The following ITGB1 variants were observed in gnomAD, a reference collection of about 807,000 sequenced individuals.
ITGB1 encodes the protein integrin beta-1.
In ITGB1, 24 loss-of-function variants were observed where a neutral mutation model predicts 86.5. The ratio of observed to expected loss-of-function variants is 0.28; its 90% CI spans 0.20 to 0.39. ITGB1 has a LOEUF of 0.39. Ranked by LOEUF, ITGB1 falls within the 10% of genes least tolerant of loss-of-function variation. The pLI is 1.00. For synonymous variants in ITGB1, 323 were observed against 316.8 expected, an observed-to-expected ratio of 1.02 and a Z score of -0.21; for missense variants, 556 against 946.9, an observed-to-expected ratio of 0.59 and a Z score of 5.42.
intron 15 of ITGB1, chr10:32,906,564 T>A (rs1271741736): frequency 1.1e-5 from 2 of 179,674 alleles, no homozygotes; most frequent in African/African-American, 2.4e-5. Context: ...CACTCCAGGC[T>A]GGGCGACAGA....
At chr10:32,956,406 A>AC (rs1342113923) in intron 1 of ITGB1, among the ~76,000 whole-genome samples, 6 of 149,202 alleles carry the variant, frequency 4.0e-5, no homozygotes, top group Middle Eastern at 3.5e-3. Context: ...ATTAAAAAAA[A>AC]AAAAATAAAA....
intron 11 of ITGB1, among the ~76,000 whole-genome samples, chr10:32,914,590 G>T (rs1203774324): frequency 2.0e-5 from 3 of 151,980 alleles, no homozygotes; most frequent in Non-Finnish European, 4.4e-5. Flanking sequence ...AATGGTAAAG[G>T]GATCAATTCA....
chr10:32,904,591 A>G (rs1428826031), intron 15 of ITGB1, among the ~76,000 whole-genome samples: 1 of 152,210 alleles, frequency 6.6e-6, no homozygotes, highest in Non-Finnish European at 1.5e-5. Flanking sequence ...GCGCCTGCCC[A>G]TTATTTCAAA....
chr10:32,946,251 T>C (rs558237620), intron 1 of ITGB1, among the ~76,000 whole-genome samples: 1 of 152,316 alleles, frequency 6.6e-6, no homozygotes, highest in African/African-American at 2.4e-5. Flanking sequence ...CATTAGTAAA[T>C]AGATCAGGCA....
intron 1 of ITGB1, 74 bp from the exon 2 acceptor site, chr10:32,935,632 C>A: frequency 1.0e-6 from 1 of 1,002,396 alleles, no homozygotes; most frequent in South Asian, 1.4e-5. Context: ...AAAGTATTAC[C>A]CCACCGTACC....
chr10:32,936,571 T>C (rs576347145), intron 1 of ITGB1, among the ~76,000 whole-genome samples: 14 of 152,114 alleles, frequency 9.2e-5, no homozygotes, highest in Non-Finnish European at 1.6e-4. Flanking sequence ...GAAAAAGTCT[T>C]GTCTTCTAGA....
intron 2 of ITGB1, among the ~76,000 whole-genome samples, chr10:32,933,937 A>C (rs1351091935): frequency 6.6e-6 from 1 of 152,198 alleles, no homozygotes; most frequent in Non-Finnish European, 1.5e-5. Flanking sequence ...TTCCAAATGT[A>C]TGTGTGCACA....
Position 32,929,212 on chromosome 10 carries a change from A to AAAAAAG in ITGB1, c.376+609_376+610insCTTTTT, listed in dbSNP as rs71299730. Among the ~76,000 whole-genome samples, 6 of 151,680 alleles carry AAAAAAG rather than the reference A, an allele frequency of 4.0e-5. No individual in the cohort carries two copies. In the South Asian group the frequency reaches 6.3e-4, roughly 16 times the overall value. On this transcript the variant is annotated intron_variant, in intron 4 of 15. Coordinates refer to ENST00000302278, the MANE Select transcript of ITGB1 (RefSeq NM_002211.4). ...ACTTGGTACAGAAGAGTTAAAAAAA[A>AAAAAAG]TCCTGACAAGGGTCCCCTGGGTCTG...
chr10:32,921,149 C>T (rs4382845), intron 9 of ITGB1, among the ~76,000 whole-genome samples: 12,651 of 134,370 alleles, frequency 0.094, 783 homozygotes, highest in Admixed American at 0.22. Context: ...CTTAAGGAAC[C>T]ATTGTAGCCC....
chr10:32,933,949 T>A (rs1373674678), intron 2 of ITGB1, among the ~76,000 whole-genome samples: 2 of 152,170 alleles, frequency 1.3e-5, no homozygotes, highest in African/African-American at 4.8e-5. Flanking sequence ...GTGTGCACAG[T>A]TCACACATGC....
chr10:32,942,747 T>C (rs1165467423), intron 1 of ITGB1, among the ~76,000 whole-genome samples: 1 of 149,670 alleles, frequency 6.7e-6, no homozygotes, highest in East Asian at 2.0e-4. Context: ...TGCAGTGGTG[T>C]GATCACATCT....
intron 1 of ITGB1, among the ~76,000 whole-genome samples, chr10:32,952,382 T>C (rs564113690): frequency 6.6e-6 from 1 of 152,290 alleles, no homozygotes; most frequent in South Asian, 2.1e-4. Context: ...CTCCCTATTG[T>C]ACTTTTTTGT....
At chr10:32,911,708 T>A in intron 12 of ITGB1, 38 bp from the exon 13 acceptor site, 1 of 1,598,498 alleles carries the variant, frequency 6.3e-7, no homozygotes, top group East Asian at 2.2e-5. Context: ...ATGGTAAAAA[T>A]ATACAATCAC....
At chr10:32,926,219 G>A (rs2094964020) in intron 5 of ITGB1, 110 bp from the exon 6 acceptor site, 4 of 803,514 alleles carry the variant, frequency 5.0e-6, no homozygotes, top group Admixed American at 2.5e-5. Flanking sequence ...AGGTTACTAT[G>A]GACTGAATGT....
At chr10:32,920,971 C>T (rs1023752304) in intron 9 of ITGB1, among the ~76,000 whole-genome samples, 5 of 150,880 alleles carry the variant, frequency 3.3e-5, no homozygotes, top group East Asian at 1.9e-4. Flanking sequence ...CAACAGAGTG[C>T]GACTCCATCT....
chr10:32,915,370 T>A (rs1395533958), intron 11 of ITGB1, among the ~76,000 whole-genome samples: 3 of 152,008 alleles, frequency 2.0e-5, no homozygotes, highest in Admixed American at 6.6e-5. Flanking sequence ...AATCAATGAA[T>A]CCAGGAGCTG....
chr10:32,932,476 C>T (rs199812418), intron 3 of ITGB1, 39 bp downstream of exon 3: 218 of 1,130,064 alleles, frequency 1.9e-4, no homozygotes, highest in Middle Eastern at 1.8e-3. Flanking sequence ...ACTAAATGAC[C>T]AGAGAACAAA....
chr10:32,928,742 A>C (rs960059230), intron 4 of ITGB1, among the ~76,000 whole-genome samples: 3 of 150,526 alleles, frequency 2.0e-5, no homozygotes, highest in Non-Finnish European at 4.4e-5. Flanking sequence ...TTATTTATTT[A>C]TTATTATTTA....
chr10:32,916,038 A>G (rs1243435816), intron 11 of ITGB1, among the ~76,000 whole-genome samples: 1 of 152,222 alleles, frequency 6.6e-6, no homozygotes, highest in Non-Finnish European at 1.5e-5. Flanking sequence ...TCCATCATAT[A>G]AACAGAACCT....
Sources: allele counts gnomAD v4.1 joint callset (sites outside exome capture counted in the v4.1 genomes callset), GRCh38; gene constraint gnomAD v4.1.1; transcripts MANE v1.5; gene names NCBI Gene and HGNC (gene_info 2026-07-23, HGNC 2026-07-21).